CORO2B: variants seen among roughly 807,000 people sequenced by gnomAD.
The protein encoded by CORO2B is coronin 2B.
A neutral mutation model predicts 58.8 loss-of-function variants in CORO2B; 26 were observed. The ratio of observed to expected loss-of-function variants is 0.44; its 90% CI spans 0.32 to 0.61. The LOEUF is 0.61. Ranked by LOEUF, CORO2B falls within the 20% of genes least tolerant of loss-of-function variation. The probability of loss-of-function intolerance (pLI) is 0.04; values close to 1 mark genes in which losing one functional copy is unlikely to be tolerated. For synonymous variants in CORO2B, 242 were observed against 253.8 expected (o/e 0.95, Z 0.44); for missense variants, 460 against 645.1 (o/e 0.71, Z 3.11).
rs79701493 is a variant in CORO2B at position 68,712,770 on chromosome 15, G to T, written c.648+1064G>T. On this transcript the variant is annotated intron_variant, in intron 5 of 11. Coordinates refer to ENST00000261861, the MANE Select transcript of CORO2B (RefSeq NM_006091.5). ...AGCTGGGTGCTGTTACTCCTCTCAT[G>T]TGATACGTGAGAACACTTAACCTTA... Among the ~76,000 whole-genome samples the T allele has an allele frequency of 7.0e-3, 1,063 of 152,188 alleles. 19 individuals are homozygous for T. The East Asian group carries it at 0.072, about 10-fold the overall frequency.
chr15:68,656,324 TC>T (rs1901807206), intron 2 of CORO2B, among the ~76,000 whole-genome samples: 1 of 151,750 alleles, frequency 6.6e-6, no homozygotes, highest in Non-Finnish European at 1.5e-5. Context: ...ACTTCTTGTC[TC>T]CCCCCTTTCC....
intron 3 of CORO2B, 37 bp downstream of exon 3, chr15:68,695,293 A>C: frequency 6.7e-7 from 1 of 1,486,956 alleles, no homozygotes; most frequent in Non-Finnish European, 9.4e-7. Flanking sequence ...GGGTGGGCTC[A>C]GGCCCCTCCC....
Position 68,699,203 on chromosome 15 carries a change from G to A in CORO2B, c.333+3947G>A, listed in dbSNP as rs543506824. ...AGGAGCGGGCAGGAAGGGCAGCTGC[G>A]AAGGGCAGTTGGACCCAAGGAGAGA... On this transcript the variant is annotated intron_variant, in intron 3 of 11. Coordinates refer to ENST00000261861, the MANE Select transcript of CORO2B (RefSeq NM_006091.5). Among the ~76,000 whole-genome samples the A allele has an allele frequency of 6.6e-5, 10 of 152,212 alleles. No homozygotes were observed. The East Asian group carries it at 9.7e-4, about 15-fold the overall frequency.
At chr15:68,587,309 A>T (rs1025582043) in intron 1 of CORO2B, among the ~76,000 whole-genome samples, 1 of 152,132 alleles carries the variant, frequency 6.6e-6, no homozygotes, top group Non-Finnish European at 1.5e-5. Flanking sequence ...GCTTAAACTT[A>T]CTGTCCCCTG....
the CORO2B span, among the ~76,000 whole-genome samples, chr15:68,552,446 G>T: frequency 7.9e-6 from 1 of 126,706 alleles, no homozygotes; most frequent in African/African-American, 3.0e-5. Flanking sequence ...CTCCCAAGGG[G>T]CAGCCATGGC....
chr15:68,556,801 G>A, the CORO2B span, among the ~76,000 whole-genome samples: 42 of 152,272 alleles, frequency 2.8e-4, no homozygotes, highest in South Asian at 7.1e-3. Context: ...CCAAGCCCAC[G>A]TGACCTTGTC....
At chr15:68,549,731 G>A in the CORO2B span, among the ~76,000 whole-genome samples, 2 of 152,156 alleles carry the variant, frequency 1.3e-5, no homozygotes, top group Non-Finnish European at 2.9e-5. Context: ...TTGAGGTCAG[G>A]AGTTCGAGAG....
chr15:68,547,101 A>C, the CORO2B span, among the ~76,000 whole-genome samples: 1 of 152,244 alleles, frequency 6.6e-6, no homozygotes, highest in Non-Finnish European at 1.5e-5. Context: ...AGGTAAAACA[A>C]AGAATGAGGT....
intron 11 of CORO2B, among the ~76,000 whole-genome samples, chr15:68,723,948 C>A (rs373012033): frequency 3.9e-5 from 6 of 151,900 alleles, no homozygotes; most frequent in African/African-American, 1.5e-4. Flanking sequence ...CTCACACCTG[C>A]AATCCCAGCA....
rs535148749 is a variant in CORO2B at position 68,708,643 on chromosome 15, T to C, written c.334-2089T>C. On this transcript the variant is annotated intron_variant, in intron 3 of 11. Coordinates refer to ENST00000261861, the MANE Select transcript of CORO2B (RefSeq NM_006091.5). ...TCCCAAAGTGCTGGGATTACAGGCG[T>C]GAGCCACCGTGCCTGGCCCTGCCTT... Among the ~76,000 whole-genome samples the C allele has an allele frequency of 3.3e-5, 5 of 152,128 alleles. No homozygotes were observed. In the South Asian group the frequency reaches 8.3e-4, roughly 25 times the overall value.
chr15:68,640,449 A>T (rs1363901216), intron 1 of CORO2B, among the ~76,000 whole-genome samples: 1 of 152,042 alleles, frequency 6.6e-6, no homozygotes, highest in African/African-American at 2.4e-5. Flanking sequence ...GAGACAAATC[A>T]TTGGAATGTT....
the CORO2B span, among the ~76,000 whole-genome samples, chr15:68,549,414 G>C: frequency 2.6e-5 from 4 of 152,066 alleles, no homozygotes; most frequent in South Asian, 8.3e-4. Context: ...TCTTTTTATG[G>C]ATTGGCTGGT....
chr15:68,629,598 G>A (rs773608578), intron 1 of CORO2B, among the ~76,000 whole-genome samples: 3 of 152,288 alleles, frequency 2.0e-5, no homozygotes, highest in East Asian at 1.9e-4. Flanking sequence ...GGGATGAAAC[G>A]ATGTGCAGGG....
chr15:68,697,271 TAG>T (rs1892537861), intron 3 of CORO2B, among the ~76,000 whole-genome samples: 1 of 152,026 alleles, frequency 6.6e-6, no homozygotes, highest in Non-Finnish European at 1.5e-5. Context: ...CATTGATGGA[TAG>T]AGAGACGAAT....
chr15:68,716,071 C>T (rs760677100), intron 8 of CORO2B, among the ~76,000 whole-genome samples: 67 of 152,252 alleles, frequency 4.4e-4, no homozygotes, highest in Admixed American at 1.7e-3. Flanking sequence ...TCAGGAACAT[C>T]GGGGCTGAAA....
intron 2 of CORO2B, among the ~76,000 whole-genome samples, chr15:68,681,224 A>C (rs1482648920): frequency 3.5e-5 from 1 of 28,692 alleles, no homozygotes; most frequent in East Asian, 6.1e-3. Flanking sequence ...TCTCAAAAAA[A>C]AATTTTTTTT....
intron 5 of CORO2B, 94 bp downstream of exon 5, chr15:68,711,800 C>T (rs1892925281): frequency 2.0e-6 from 3 of 1,465,742 alleles, no homozygotes; most frequent in Middle Eastern, 1.7e-4. Context: ...TGTGCCAGCC[C>T]CCTTCTCCAG....
chr15:68,636,016 C>T (rs1901022113), intron 1 of CORO2B, among the ~76,000 whole-genome samples: 1 of 152,216 alleles, frequency 6.6e-6, no homozygotes, highest in African/African-American at 2.4e-5. Flanking sequence ...TCGGTGACAG[C>T]TCTGAATCAG....
At chr15:68,569,378 A>G in the CORO2B span, among the ~76,000 whole-genome samples, 2 of 152,178 alleles carry the variant, frequency 1.3e-5, no homozygotes, top group African/African-American at 4.8e-5. Flanking sequence ...ATCTAGTTGG[A>G]ATCATGCAGT....
Sources: allele counts gnomAD v4.1 joint callset (sites outside exome capture counted in the v4.1 genomes callset), GRCh38; gene constraint gnomAD v4.1.1; transcripts MANE v1.5; gene names NCBI Gene and HGNC (gene_info 2026-07-23, HGNC 2026-07-21).